Variants in INO80D observed in about 807,000 individuals in gnomAD.
The protein encoded by INO80D is INO80 complex subunit D.
In INO80D, 21 loss-of-function variants were observed where a neutral mutation model predicts 87.6. The ratio of observed to expected loss-of-function variants is 0.24; its 90% CI spans 0.17 to 0.35. The LOEUF (loss-of-function observed/expected upper bound fraction) is 0.35, where lower values mean the gene tolerates loss of function less well. Ranked by LOEUF, INO80D falls within the 10% of genes least tolerant of loss-of-function variation. INO80D has a pLI of 1.00. For synonymous variants in INO80D, 440 were observed against 491.0 expected (o/e 0.90, Z 1.37); for missense variants, 982 against 1,280.7 (o/e 0.77, Z 3.56).
rs1466000464 is a variant in INO80D at position 206,085,564 on chromosome 2, C to CT, written c.-124+336dup. 1 of 149,894 alleles carries CT rather than the reference C, an allele frequency of 6.7e-6. No homozygotes were observed. Among genetic ancestry groups the CT allele is most frequent in the Non-Finnish European group, 1.5e-5 (1 of 67,262 alleles). 9.3% of individuals were successfully genotyped at this position (149,894 alleles called of 1,614,324 possible). ...GGGCAGGGCGCGGCTGCCGTGGGGC[C>CT]TACCGGCCCGAGGCCTACCGGCGCC... is the stretch of plus-strand genomic sequence containing the variant. On this transcript the variant is annotated intron_variant, in intron 1 of 10. Coordinates refer to ENST00000403263, the MANE Select transcript of INO80D (RefSeq NM_017759.5). This position sits in a 1 kb window ranked among gnomAD's most constrained non-coding sequence, Gnocchi z 4.5.
In INO80D at chr2:206,007,569, C is replaced by A. The variant is rs1229461234; in HGVS notation, c.1761-128G>T. The A allele has an allele frequency of 2.8e-6, 3 of 1,085,194 alleles. No homozygotes were observed. The Admixed American group carries it at 7.9e-5, about 28-fold the overall frequency. The allele number at this position is 1,085,194 out of a possible 1,614,324, so 67.2% of individuals were successfully genotyped here. ...GGGCACAGTGGCTCACACCTGTAAT[C>A]CCAGCACTTTGGGAGGCCAAGGTGA... is the stretch of plus-strand genomic sequence containing the variant. On this transcript the variant is annotated intron_variant, in intron 9 of 10. Transcript: ENST00000403263.
chr2:206,008,244 A>T (rs1024207146), intron 9 of INO80D, among the ~76,000 whole-genome samples: 1 of 150,974 alleles, frequency 6.6e-6, no homozygotes, highest in African/African-American at 2.4e-5. Flanking sequence ...TTGGCCTCCC[A>T]AAGTGTTGGG....
intron 5 of INO80D, among the ~76,000 whole-genome samples, chr2:206,038,044 G>A (rs1415925974): frequency 6.6e-6 from 1 of 152,180 alleles, no homozygotes; most frequent in Non-Finnish European, 1.5e-5. Context: ...TCACATAGAC[G>A]TAGAGAATGG....
intron 4 of INO80D, among the ~76,000 whole-genome samples, chr2:206,054,889 T>C (rs1252372311): frequency 1.3e-5 from 2 of 152,216 alleles, no homozygotes; most frequent in African/African-American, 4.8e-5. Context: ...CAAGTGATCC[T>C]TCTGCATCAG....
intron 4 of INO80D, among the ~76,000 whole-genome samples, chr2:206,055,023 C>T (rs965069578): frequency 5.3e-5 from 8 of 152,194 alleles, no homozygotes; most frequent in African/African-American, 1.9e-4. Context: ...CTGACCCTGA[C>T]CAACAATGGA....
chr2:206,077,635 G>C (rs1482884372), intron 1 of INO80D, among the ~76,000 whole-genome samples: 1 of 152,110 alleles, frequency 6.6e-6, no homozygotes, highest in African/African-American at 2.4e-5. Context: ...TGCTTTCTAA[G>C]TTCCGATCCA....
intron 1 of INO80D, among the ~76,000 whole-genome samples, chr2:206,083,972 T>C (rs1690357388): frequency 6.6e-6 from 1 of 151,604 alleles, no homozygotes; most frequent in South Asian, 2.1e-4. Flanking sequence ...TATTAACATT[T>C]CAATGTCAAC....
chr2:206,015,850 G>T (rs1688303867), intron 8 of INO80D, among the ~76,000 whole-genome samples: 1 of 152,172 alleles, frequency 6.6e-6, no homozygotes, highest in East Asian at 1.9e-4. Context: ...TCAAACCACT[G>T]CACTGCAGCC....
In INO80D at chr2:206,032,539, C is replaced by T. The variant is rs188411788; in HGVS notation, c.1074-4204G>A. On this transcript the variant is annotated intron_variant, in intron 5 of 10. Transcript: ENST00000403263. ...GTCATTAGGTTATCCAAAGTTAAGA[C>T]GAAGGAAAGAATCTTAAGAGCTGTG... Among the ~76,000 whole-genome samples the T allele has an allele frequency of 1.8e-3, 277 of 152,184 alleles. 2 individuals are homozygous for T. Among genetic ancestry groups the T allele is most frequent in the African/African-American group, 6.4e-3 (266 of 41,532 alleles).
intron 1 of INO80D, among the ~76,000 whole-genome samples, chr2:206,079,174 G>A (rs1690206944): frequency 6.6e-6 from 1 of 151,928 alleles, no homozygotes; most frequent in African/African-American, 2.4e-5. Context: ...CTGAGTTCAA[G>A]CGATCCTCTC....
Position 206,002,408 on chromosome 2 carries a change from T to G in INO80D, c.*1960A>C, listed in dbSNP as rs574053525. 4 of 152,260 alleles carry G rather than the reference T, an allele frequency of 2.6e-5. No homozygotes were observed. Among genetic ancestry groups the G allele is most frequent in the South Asian group, 4.1e-4 (2 of 4,822 alleles). 9.4% of individuals were successfully genotyped at this position (152,260 alleles called of 1,614,324 possible). On this transcript the variant is annotated 3_prime_UTR_variant, in exon 11 of 11. Coordinates refer to ENST00000403263, the MANE Select transcript of INO80D (RefSeq NM_017759.5). ...ATGACATAAGTTATAATTTAGAAAT[T>G]TTGCACTCTGCAAAAAAGGCAAAGC...
At chr2:206,069,947 T>G (rs764253097) in intron 1 of INO80D, among the ~76,000 whole-genome samples, 6 of 152,180 alleles carry the variant, frequency 3.9e-5, no homozygotes, top group Non-Finnish European at 8.8e-5. Context: ...AGAGCAGATT[T>G]GTGGAAACTA....
At position 205,999,633 on chromosome 2, in the gene INO80D, C is replaced by T. The variant is rs1687870464; in HGVS notation, c.*4735G>A. On this transcript the variant is annotated 3_prime_UTR_variant, in exon 11 of 11. Transcript: ENST00000403263. ...AAGGCTCCCTAAGTTTGACCCACAA[C>T]TGCAGCATTAATGACACTGTTTATT... is the stretch of plus-strand genomic sequence containing the variant. The T allele has an allele frequency of 6.6e-6, 1 of 152,144 alleles. No individual in the cohort carries two copies. Among genetic ancestry groups the T allele is most frequent in the South Asian group, 2.1e-4 (1 of 4,832 alleles). The allele number at this position is 152,144 out of a possible 1,614,324, so 9.4% of individuals were successfully genotyped here.
intron 5 of INO80D, among the ~76,000 whole-genome samples, chr2:206,033,282 A>G (rs1342920183): frequency 1.3e-5 from 2 of 152,174 alleles, no homozygotes; most frequent in Non-Finnish European, 2.9e-5. Flanking sequence ...ACCACAGAAT[A>G]AACACTCTAT....
At chr2:206,025,554 T>TATATATATATATATATAC (rs1559439700) in intron 6 of INO80D, 9 of 124,138 alleles carry the variant, frequency 7.3e-5, no homozygotes, top group African/African-American at 2.2e-4. Flanking sequence ...TATATATATA[T>TATATATATATATATATAC]ATATATATAT....
At chr2:206,020,178 T>C (rs1688422888) in intron 6 of INO80D, among the ~76,000 whole-genome samples, 1 of 152,102 alleles carries the variant, frequency 6.6e-6, no homozygotes, top group Non-Finnish European at 1.5e-5. Flanking sequence ...AAGAATCAGA[T>C]GGACCTGGTT....
chr2:206,045,460 T>C (rs1342745541), intron 5 of INO80D, among the ~76,000 whole-genome samples: 2 of 152,194 alleles, frequency 1.3e-5, no homozygotes, highest in African/African-American at 4.8e-5. Flanking sequence ...GAGTCATCTT[T>C]TGGTAGACAA....
chr2:206,078,614 T>C (rs1022567566), intron 1 of INO80D, among the ~76,000 whole-genome samples: 2 of 151,456 alleles, frequency 1.3e-5, no homozygotes, highest in Non-Finnish European at 2.9e-5. Context: ...TGGGGCAACA[T>C]AGTAAGACCC....
intron 5 of INO80D, among the ~76,000 whole-genome samples, chr2:206,035,104 A>C (rs1688859482): frequency 6.6e-6 from 1 of 152,212 alleles, no homozygotes; most frequent in Non-Finnish European, 1.5e-5. Flanking sequence ...GACACGAACA[A>C]ATGGAAACAC....
Sources: allele counts gnomAD v4.1 joint callset (sites outside exome capture counted in the v4.1 genomes callset), GRCh38; gene constraint gnomAD v4.1.1; non-coding constraint Gnocchi (gnomAD v3.1); transcripts MANE v1.5; gene names NCBI Gene and HGNC (gene_info 2026-07-23, HGNC 2026-07-21).